Variants in SYT1 observed in about 807,000 individuals in gnomAD.
SYT1 encodes the protein synaptotagmin 1, also known as synaptotagmin-1.
SYT1 carries 8 observed loss-of-function variants against 44.8 expected under a neutral mutation model. The ratio of observed to expected loss-of-function variants is 0.18; its 90% CI spans 0.10 to 0.32. The LOEUF (loss-of-function observed/expected upper bound fraction) is 0.32. Ranked by LOEUF, SYT1 falls within the 10% of genes least tolerant of loss-of-function variation. SYT1 has a pLI of 1.00. For missense variants in SYT1, 286 were observed against 509.3 expected, an observed-to-expected ratio of 0.56 and a Z score of 4.22; for synonymous variants, 154 against 188.8, an observed-to-expected ratio of 0.82 and a Z score of 1.51.
chr12:79,315,724 A>G (rs1260988065), intron 8 of SYT1, among the ~76,000 whole-genome samples: 1 of 152,148 alleles, frequency 6.6e-6, no homozygotes, highest in Non-Finnish European at 1.5e-5. Context: ...TACCATTTCT[A>G]TTGATATAAG....
chr12:79,241,804 T>C (rs1482781788), intron 4 of SYT1, among the ~76,000 whole-genome samples: 1 of 152,236 alleles, frequency 6.6e-6, no homozygotes, highest in Non-Finnish European at 1.5e-5. Flanking sequence ...GTGACTTCTT[T>C]AGAAATAGAT....
intron 3 of SYT1, among the ~76,000 whole-genome samples, chr12:79,215,459 A>C (rs1874727884): frequency 6.6e-6 from 1 of 152,218 alleles, no homozygotes; most frequent in Non-Finnish European, 1.5e-5. Context: ...AAAACGAAGA[A>C]GATCTGAGCC....
At chr12:79,399,528 C>G (rs1313767032) in intron 9 of SYT1, among the ~76,000 whole-genome samples, 1 of 152,048 alleles carries the variant, frequency 6.6e-6, no homozygotes, top group Non-Finnish European at 1.5e-5. Context: ...TCTATGTTAA[C>G]TACGTTTATC....
intron 3 of SYT1, among the ~76,000 whole-genome samples, chr12:79,215,918 C>CTTTTTTTTTTTTTTTTTTT (rs71091653): frequency 1.3e-5 from 1 of 76,726 alleles, no homozygotes; most frequent in Non-Finnish European, 2.3e-5. Flanking sequence ...GCATTTCTTT[C>CTTTTTTTTTTTTTTTTTTT]TTTTTTTTTT....
intron 3 of SYT1, among the ~76,000 whole-genome samples, chr12:79,114,404 C>T (rs1879170891): frequency 6.6e-6 from 1 of 152,104 alleles, no homozygotes; most frequent in Non-Finnish European, 1.5e-5. Flanking sequence ...GGCATCACAC[C>T]TCTTACAAGC....
intron 7 of SYT1, 75 bp from the exon 8 acceptor site, chr12:79,299,309 T>C: frequency 6.7e-7 from 1 of 1,484,094 alleles, no homozygotes; most frequent in Non-Finnish European, 9.2e-7. Context: ...AATATTAAAT[T>C]AAGCACCATG....
intron 4 of SYT1, among the ~76,000 whole-genome samples, chr12:79,252,668 A>G (rs191612905): frequency 2.0e-5 from 3 of 152,294 alleles, no homozygotes; most frequent in East Asian, 1.9e-4. Context: ...AGTGACTGCA[A>G]TAAACAGAAG....
At chr12:79,096,283 T>A (rs1244500713) in intron 3 of SYT1, among the ~76,000 whole-genome samples, 1 of 151,960 alleles carries the variant, frequency 6.6e-6, no homozygotes, top group East Asian at 1.9e-4. Flanking sequence ...TAGATAGATG[T>A]AAATTTCTTT....
chr12:79,020,857 G>A (rs1441438465), intron 2 of SYT1, among the ~76,000 whole-genome samples: 1 of 151,900 alleles, frequency 6.6e-6, no homozygotes, highest in East Asian at 1.9e-4. Flanking sequence ...GGGTGGTAAA[G>A]TAAAAACACA....
chr12:79,346,976 A>C (rs1197974894), intron 8 of SYT1, among the ~76,000 whole-genome samples: 3 of 152,070 alleles, frequency 2.0e-5, no homozygotes, highest in Admixed American at 6.6e-5. Context: ...AGCAATTGCT[A>C]GCAGAAATCC....
intron 2 of SYT1, among the ~76,000 whole-genome samples, chr12:78,987,577 T>G (rs1171914873): frequency 6.6e-6 from 1 of 152,062 alleles, no homozygotes; most frequent in African/African-American, 2.4e-5. Flanking sequence ...AGGCTACACA[T>G]GACCTTCCCC....
At chr12:79,195,514 A>G (rs950207533) in intron 3 of SYT1, among the ~76,000 whole-genome samples, 13 of 151,734 alleles carry the variant, frequency 8.6e-5, no homozygotes, top group Non-Finnish European at 1.5e-4. Context: ...CCCTGAAAAA[A>G]AAAAAAAAAA....
intron 8 of SYT1, among the ~76,000 whole-genome samples, chr12:79,328,161 T>A (rs1027565762): frequency 6.6e-6 from 1 of 152,186 alleles, no homozygotes; most frequent in Non-Finnish European, 1.5e-5. Flanking sequence ...GAAGACAGAA[T>A]GTGAACTAAA....
At chr12:79,240,010 C>T (rs983362479) in intron 4 of SYT1, among the ~76,000 whole-genome samples, 2 of 152,194 alleles carry the variant, frequency 1.3e-5, no homozygotes. Context: ...TGAAATACAA[C>T]CTATTTGGGA....
At chr12:79,144,390 C>T (rs893739501) in intron 3 of SYT1, among the ~76,000 whole-genome samples, 3 of 152,158 alleles carry the variant, frequency 2.0e-5, no homozygotes, top group Non-Finnish European at 2.9e-5. Context: ...TTCAGTAAGA[C>T]GCTTCCTTTT....
At chr12:79,082,779 G>C (rs953930783) in intron 3 of SYT1, among the ~76,000 whole-genome samples, 3 of 152,090 alleles carry the variant, frequency 2.0e-5, no homozygotes. Context: ...GGACCAGTTA[G>C]GGGAGGTCCA....
chr12:79,436,732 T>C (rs1870115150), intron 9 of SYT1, among the ~76,000 whole-genome samples: 1 of 152,110 alleles, frequency 6.6e-6, no homozygotes, highest in Non-Finnish European at 1.5e-5. Context: ...TGAAGTAGGG[T>C]ATGGAATAGT....
rs150067256 is a variant in SYT1 at position 79,322,206 on chromosome 12, A to G, written c.810+22655A>G. Among the ~76,000 whole-genome samples the G allele has an allele frequency of 7.8e-4, 119 of 152,328 alleles. 3 individuals are homozygous for G. The East Asian group carries it at 0.018, about 22-fold the overall frequency. ...ATGCAAGTTCTGGCATGCCTAAACAAAAATTTCATATATAGTAAGCTAAAA... is the reference window on the plus strand; with the variant it reads ...ATGCAAGTTCTGGCATGCCTAAACAGAAATTTCATATATAGTAAGCTAAAA... On this transcript the variant is annotated intron_variant, in intron 8 of 10. Transcript: ENST00000261205.
At chr12:79,317,162 A>G (rs771989334) in intron 8 of SYT1, among the ~76,000 whole-genome samples, 17 of 152,136 alleles carry the variant, frequency 1.1e-4, no homozygotes, top group Non-Finnish European at 2.4e-4. Context: ...GTTTAGGAGT[A>G]TTTTCACTCT....
Sources: gnomAD v4.1 joint callset for allele counts (sites outside exome capture counted in the v4.1 genomes callset) on GRCh38, gnomAD v4.1.1 for gene constraint, MANE v1.5 for transcripts, NCBI Gene and HGNC (gene_info 2026-07-23, HGNC 2026-07-21) for gene names.